Variants in SRGAP3 observed in about 807,000 individuals in gnomAD.
The protein encoded by SRGAP3 is SLIT-ROBO Rho GTPase-activating protein 3.
SRGAP3 carries 39 observed loss-of-function variants against 121.1 expected under a neutral mutation model. The observed-to-expected ratio is 0.32, with a 90% CI of 0.25 to 0.42. The LOEUF is 0.42. Ranked by LOEUF, SRGAP3 falls within the 10% of genes least tolerant of loss-of-function variation. SRGAP3 has a pLI of 1.00. For synonymous variants in SRGAP3, 601 were observed against 570.0 expected (o/e 1.05, Z -0.77); for missense variants, 1,213 against 1,470.6 (o/e 0.82, Z 2.86).
intron 3 of SRGAP3, among the ~76,000 whole-genome samples, chr3:9,323,304 A>G (rs1261383647): frequency 6.6e-6 from 1 of 151,910 alleles, no homozygotes; most frequent in Non-Finnish European, 1.5e-5. Context: ...TATATACCAA[A>G]AAAAGTTAAT....
chr3:9,144,542 G>C (rs931037902), intron 1 of SRGAP3, among the ~76,000 whole-genome samples: 2 of 152,242 alleles, frequency 1.3e-5, no homozygotes, highest in Non-Finnish European at 2.9e-5. Flanking sequence ...GGAGGAGGTA[G>C]TTGAATCATG....
intron 1 of SRGAP3, among the ~76,000 whole-genome samples, chr3:9,181,398 A>G (rs115231122): frequency 0.011 from 1,746 of 152,322 alleles, 37 homozygotes; most frequent in African/African-American, 0.04. Context: ...CAAGTTTATT[A>G]TCTCACCGTT....
intron 3 of SRGAP3, among the ~76,000 whole-genome samples, chr3:9,314,902 C>T (rs919523903): frequency 6.6e-6 from 1 of 152,236 alleles, no homozygotes; most frequent in Non-Finnish European, 1.5e-5. Context: ...TTCTCAGTGC[C>T]TGGAGCCTCA....
intron 2 of SRGAP3, among the ~76,000 whole-genome samples, chr3:9,327,141 C>CA (rs1955533743): frequency 6.6e-6 from 1 of 151,766 alleles, no homozygotes; most frequent in South Asian, 2.1e-4. Flanking sequence ...ATAATCTATT[C>CA]AGTTTTAATC....
chr3:8,992,299 A>C lies in SRGAP3; in HGVS notation c.2558+607T>G, dbSNP rs957934364. On this transcript the variant is annotated intron_variant, in intron 20 of 21. Transcript: ENST00000383836. The stretch of plus-strand genomic sequence containing the variant: ...TTCTTTTCTTCTTATTTCCTCATTA[A>C]TTTTTTAAAAAATAACCACATACTT... 1.3e-4 allele frequency among the ~76,000 whole-genome samples: 20 copies of C among 152,158 alleles called. 1 individual carries two copies.
rs375346618 is a variant in SRGAP3, at chr3:9,273,314, T to C, written n.442+52696A>G. 4.6e-5 allele frequency among the ~76,000 whole-genome samples: 7 copies of C among 152,300 alleles called. No individual in the cohort carries two copies. In the East Asian group the frequency reaches 1.2e-3, roughly 25 times the overall value. ...ACAGGGGTTAGAGAACCCTGTCTTATTGTGGTTTTAATTTTCATTTCCCTA... is the reference window on the plus strand; with the variant it reads ...ACAGGGGTTAGAGAACCCTGTCTTACTGTGGTTTTAATTTTCATTTCCCTA... On this transcript the variant is annotated intron_variant and non_coding_transcript_variant, in intron 3 of 3. Transcript: ENST00000490889.
At chr3:9,071,185 A>T (rs1946690719) in intron 4 of SRGAP3, among the ~76,000 whole-genome samples, 1 of 152,058 alleles carries the variant, frequency 6.6e-6, no homozygotes, top group Non-Finnish European at 1.5e-5. Flanking sequence ...CCACTTCCTC[A>T]TTCTCCCCAA....
intron 2 of SRGAP3, among the ~76,000 whole-genome samples, chr3:9,115,164 C>G (rs1286202013): frequency 6.6e-6 from 1 of 152,144 alleles, no homozygotes; most frequent in African/African-American, 2.4e-5. Context: ...CAGTTGGTCC[C>G]TTGCCTATCA....
chr3:9,086,872 A>G (rs1292716014), intron 3 of SRGAP3, among the ~76,000 whole-genome samples: 1 of 150,732 alleles, frequency 6.6e-6, no homozygotes, highest in South Asian at 2.1e-4. Context: ...TATATTATGG[A>G]CAAGGCTAGG....
chr3:9,058,942 A>C, intron 6 of SRGAP3: 1 of 180,984 alleles, frequency 5.5e-6, no homozygotes, highest in East Asian at 1.5e-4. Context: ...CTGGTCTCGA[A>C]CTCGTGACAT....
intron 3 of SRGAP3, among the ~76,000 whole-genome samples, chr3:9,305,445 A>G (rs1388330443): frequency 6.9e-6 from 1 of 144,478 alleles, no homozygotes; most frequent in East Asian, 2.0e-4. Context: ...GTTCTAGGGT[A>G]CATGTGCACA....
intron 2 of SRGAP3, among the ~76,000 whole-genome samples, chr3:9,118,027 G>C (rs569764057): frequency 2.6e-4 from 39 of 152,108 alleles, no homozygotes; most frequent in Admixed American, 2.4e-3. Context: ...GGTTACTTGG[G>C]AGGCTGAGGC....
rs1482360220 is a variant in SRGAP3 at position 8,981,465 on chromosome 3, T to C, written c.*4054A>G. The C allele has an allele frequency of 4.3e-6, 1 of 232,308 alleles. No individual in the cohort carries two copies. The highest frequency in any genetic ancestry group is 8.5e-6 in the Non-Finnish European group (1 of 117,444). 14.4% of individuals were successfully genotyped at this position (232,308 alleles called of 1,614,324 possible). ...ATCTGGATGTGTGAAAAGTTAGGAA[T>C]AGAAAGACTGAGAGGAAGAACCATT... is the stretch of plus-strand genomic sequence containing the variant. On this transcript the variant is annotated 3_prime_UTR_variant, in exon 22 of 22. Transcript: ENST00000383836.
At chr3:9,079,557 G>T (rs1182610855) in intron 4 of SRGAP3, among the ~76,000 whole-genome samples, 1 of 152,194 alleles carries the variant, frequency 6.6e-6, no homozygotes, top group Non-Finnish European at 1.5e-5. Context: ...GACCTCCCGT[G>T]ATCCTCGGAA....
At chr3:9,144,958 T>C (rs1949974841) in intron 1 of SRGAP3, among the ~76,000 whole-genome samples, 2 of 152,256 alleles carry the variant, frequency 1.3e-5, no homozygotes, top group South Asian at 4.1e-4. Context: ...ATGTGCATTA[T>C]AAATGTTTAA....
At chr3:9,240,449 C>T (rs1953586389) in intron 1 of SRGAP3, among the ~76,000 whole-genome samples, 1 of 152,128 alleles carries the variant, frequency 6.6e-6, no homozygotes, top group African/African-American at 2.4e-5. Context: ...AACTCACCCC[C>T]TCCTGACCTC....
In SRGAP3 at chr3:9,056,301, T is replaced by C. The variant is rs754988078; in HGVS notation, c.1057A>G (p.Thr353Ala). The change falls in exon 8 of 22, where the codon ACA (threonine) becomes GCA (alanine). Residue 353 changes from threonine to alanine, a missense_variant. Thr to Ala is a moderately conservative substitution (Grantham distance 58). Around this residue, in one of 2 missense-constraint regions of SRGAP3, gnomAD observed 793 missense variants for 1,032.9 expected, o/e 0.77. Coordinates refer to ENST00000383836, the MANE Select transcript of SRGAP3 (RefSeq NM_014850.4). ...CQVSAQQPVQTELLMRYHQLQ... is the reference protein window; with the variant it reads ...CQVSAQQPVQAELLMRYHQLQ... ...TGGTGATAACGCATGAGCAGTTCTGTCTGGACGGGCTGCTGAGCGCTGACC... is the reference window on the plus strand; with the variant it reads ...TGGTGATAACGCATGAGCAGTTCTGCCTGGACGGGCTGCTGAGCGCTGACC... 6.2e-7 allele frequency: 1 copy of C among 1,613,832 alleles called. No homozygotes were observed. The highest frequency in any genetic ancestry group is 8.5e-7 in the Non-Finnish European group (1 of 1,179,986).
chr3:8,992,744 T>C, intron 20 of SRGAP3, 162 bp downstream of exon 20: 2 of 1,270,408 alleles, frequency 1.6e-6, no homozygotes, highest in African/African-American at 1.5e-5. Flanking sequence ...CCTGGCCTTC[T>C]TGGGCCAATG....
intron 18 of SRGAP3, among the ~76,000 whole-genome samples, chr3:9,002,413 A>G (rs1942824141): frequency 6.6e-6 from 1 of 152,212 alleles, no homozygotes; most frequent in Non-Finnish European, 1.5e-5. Context: ...ACAACATATC[A>G]AAACTTATGG....
Sources: gnomAD v4.1 joint callset for allele counts (sites outside exome capture counted in the v4.1 genomes callset) on GRCh38, gnomAD v4.1.1 for gene constraint, gnomAD v4.1.1 regional missense constraint, MANE v1.5 for transcripts, NCBI Gene and HGNC (gene_info 2026-07-23, HGNC 2026-07-21) for gene names.